ETNPPL: variants seen among roughly 807,000 people sequenced by gnomAD.
The protein encoded by ETNPPL is ethanolamine-phosphate phospho-lyase, also known as alanine--glyoxylate aminotransferase 2-like 1.
In ETNPPL, 30 loss-of-function variants were observed where a neutral mutation model predicts 55.5. The observed-to-expected ratio is 0.54, with a 90% CI of 0.40 to 0.73. The LOEUF is 0.73. Ranked by LOEUF, ETNPPL falls within the 30% of genes least tolerant of loss-of-function variation. The probability of loss-of-function intolerance (pLI) is 0.00; values close to 1 mark genes in which losing one functional copy is unlikely to be tolerated. For missense variants in ETNPPL, 528 were observed against 607.9 expected, an observed-to-expected ratio of 0.87 and a Z score of 1.38; for synonymous variants, 202 against 207.2, an observed-to-expected ratio of 0.98 and a Z score of 0.21.
intron 11 of ETNPPL, among the ~76,000 whole-genome samples, chr4:108,745,712 C>A (rs1728447811): frequency 2.6e-5 from 4 of 152,056 alleles, no homozygotes; most frequent in Admixed American, 2.6e-4. Context: ...GGGTGGATCA[C>A]CTGAGGTCAG....
At chr4:108,744,037 C>A (rs1282328074) in intron 11 of ETNPPL, among the ~76,000 whole-genome samples, 181 bp from the exon 12 acceptor site, 1 of 152,174 alleles carries the variant, frequency 6.6e-6, no homozygotes, top group Non-Finnish European at 1.5e-5. Flanking sequence ...CCGAAGAGGG[C>A]GGATCACAAG....
At chr4:108,757,393 G>C (rs1392507302) in intron 3 of ETNPPL, among the ~76,000 whole-genome samples, 2 of 152,188 alleles carry the variant, frequency 1.3e-5, no homozygotes, top group Non-Finnish European at 2.9e-5. Flanking sequence ...CAGCCTCAGA[G>C]AGGTAAAGTA....
intron 11 of ETNPPL, 109 bp from the exon 12 acceptor site, chr4:108,743,965 A>G (rs1728341207): frequency 2.7e-6 from 2 of 740,656 alleles, no homozygotes; most frequent in Non-Finnish European, 4.7e-6. Context: ...AGGAAATGTT[A>G]TGTGTTAAAA....
chr4:108,749,556 A>T, intron 7 of ETNPPL, 93 bp from the exon 8 acceptor site: 1 of 931,868 alleles, frequency 1.1e-6, no homozygotes, highest in African/African-American at 1.7e-5. Context: ...AAAAAAAAAA[A>T]GTTGTTAACC....
intron 3 of ETNPPL, among the ~76,000 whole-genome samples, chr4:108,757,075 TGAGGACAC>T (rs1729244265): frequency 6.6e-6 from 1 of 152,122 alleles, no homozygotes; most frequent in Admixed American, 6.5e-5. Context: ...ACATAGTGAC[TGAGGACAC>T]GAAGAAGCCT....
At chr4:108,761,936 T>C (rs1729526580) in intron 1 of ETNPPL, among the ~76,000 whole-genome samples, 1 of 152,232 alleles carries the variant, frequency 6.6e-6, no homozygotes, top group Non-Finnish European at 1.5e-5. Context: ...CTGGCCCGGC[T>C]GCAGTCGTTC....
At chr4:108,759,514 C>T (rs1013552846) in intron 3 of ETNPPL, among the ~76,000 whole-genome samples, 4 of 151,278 alleles carry the variant, frequency 2.6e-5, no homozygotes, top group African/African-American at 9.7e-5. Flanking sequence ...CCTTCAGCTA[C>T]TTATTGCACT....
At position 108,746,750 on chromosome 4, in the gene ETNPPL, G is replaced by A. The variant is rs199504801; in HGVS notation, c.1172+12C>T. The A allele has an allele frequency of 5.0e-6, 8 of 1,611,342 alleles. No individual in the cohort carries two copies. The highest frequency in any genetic ancestry group is 1.7e-4 in the Middle Eastern group (1 of 6,044). ...CCAAGATACCAAACAGGTGGGTGTG[G>A]GGGTGAATTACTTGTAGATGATGTG... is the stretch of plus-strand genomic sequence containing the variant. On this transcript the variant is annotated intron_variant, in intron 10 of 12. Transcript: ENST00000296486.
chr4:108,753,484 G>A (rs1729010461), intron 5 of ETNPPL, among the ~76,000 whole-genome samples: 1 of 152,138 alleles, frequency 6.6e-6, no homozygotes, highest in African/African-American at 2.4e-5. Context: ...GCTCACGTCT[G>A]TAATCCCAGC....
In ETNPPL at chr4:108,749,456, G is replaced by A; in HGVS notation, c.709C>T (p.His237Tyr). 2 of 1,613,204 alleles carry A rather than the reference G, an allele frequency of 1.2e-6. No homozygotes were observed. Among genetic ancestry groups the A allele is most frequent in the Non-Finnish European group, 1.7e-6 (2 of 1,179,468 alleles). The change falls in exon 8 of 13, where the codon CAC (histidine) becomes TAC (tyrosine). Residue 237 changes from histidine (H) to tyrosine (Y), a missense_variant. Transcript: ENST00000296486. ...GYFQKVAEYV[H>Y]GAGGVFIADE... ...GCTATAAACACACCCCCTGCACCGT[G>A]TACATATCTGAAAAGCAAAGCGGCA...
chr4:108,759,915 T>G lies in ETNPPL; in HGVS notation c.176-7A>C. The G allele has an allele frequency of 6.2e-7, 1 of 1,612,128 alleles. No individual in the cohort carries two copies. Among genetic ancestry groups the G allele is most frequent in the South Asian group, 1.1e-5 (1 of 90,720 alleles). On this transcript the variant is annotated splice_polypyrimidine_tract_variant and splice_region_variant and intron_variant, in intron 2 of 12. Transcript: ENST00000296486. ...CCTGGGTGACAGTGTCCCACTAAAA[T>G]TTATGAAACAAAAGCCCAAGAAATA...
In ETNPPL at chr4:108,747,144, ATATAAT is replaced by A. The variant is rs1331610823; in HGVS notation, c.1083-299_1083-294del. ...TAACATTATATATATATATATATATATATAATATATATATATATATTATATATATAT... is the reference window on the plus strand; with the variant it reads ...TAACATTATATATATATATATATATAATATATATATATATTATATATATAT... On this transcript the variant is annotated intron_variant, in intron 9 of 12. Transcript: ENST00000296486. 9.4e-3 allele frequency among the ~76,000 whole-genome samples: 222 copies of A among 23,652 alleles called. 28 individuals are homozygous for A. Among genetic ancestry groups the A allele is most frequent in the African/African-American group, 0.051 (217 of 4,218 alleles). 15.5% of individuals were successfully genotyped at this position (23,652 alleles called of 152,430 possible).
chr4:108,762,657 C>T (rs957614357), intron 1 of ETNPPL, 186 bp downstream of exon 1: 8 of 731,928 alleles, frequency 1.1e-5, no homozygotes, highest in Non-Finnish European at 2.0e-5. Flanking sequence ...TTCCGGGTTC[C>T]AGGAGCGTTT....
rs1187026628 is a variant in ETNPPL, at chr4:108,752,915, C to G, written c.598G>C (p.Ala200Pro). ...ADEVKKIIED[A>P]HNSGRKIAAF... The stretch of plus-strand genomic sequence containing the variant: ...CAAACCTTCCTTCCACTGTTATGAG[C>G]ATCTTCAATGATTTTCTTCACTTCA... Residue 200 changes from alanine (A) to proline (P), a missense_variant, in exon 6 of 13, where the codon GCT (alanine) becomes CCT (proline). Physicochemically the swap from Ala to Pro is conservative, Grantham distance 27. Coordinates refer to ENST00000296486, the MANE Select transcript of ETNPPL (RefSeq NM_031279.4). The G allele has an allele frequency of 6.2e-7, 1 of 1,600,678 alleles. No homozygotes were observed. The highest frequency in any genetic ancestry group is 1.1e-5 in the South Asian group (1 of 90,520).
chr4:108,745,829 G>A (rs1578375259), intron 11 of ETNPPL, among the ~76,000 whole-genome samples: 1 of 149,318 alleles, frequency 6.7e-6, no homozygotes, highest in South Asian at 2.1e-4. Flanking sequence ...TACCTGGGAG[G>A]CTGAGGCAGG....
chr4:108,743,834 G>C lies in ETNPPL; in HGVS notation c.1326C>G (p.Thr442=). ...ILTVLEEAMG[T]KTESVTSENT... Reference sequence around the variant, plus strand: ...TCTCAGAGGTCACACTTTCGGTTTTGGTTCCCATAGCTTCTTCTAAAACTG... The same window carrying C: ...TCTCAGAGGTCACACTTTCGGTTTTCGTTCCCATAGCTTCTTCTAAAACTG... The change falls in exon 12 of 13, where the codon ACC becomes ACG. Residue 442 remains threonine (T), a synonymous_variant. Transcript: ENST00000296486. 1 of 1,610,066 alleles carries C rather than the reference G, an allele frequency of 6.2e-7. No individual in the cohort carries two copies. The highest frequency in any genetic ancestry group is 1.3e-5 in the African/African-American group (1 of 74,824).
chr4:108,760,849 C>T (rs1371951336), intron 1 of ETNPPL, among the ~76,000 whole-genome samples: 1 of 152,180 alleles, frequency 6.6e-6, no homozygotes, highest in Non-Finnish European at 1.5e-5. Context: ...TGCAAGTAGG[C>T]TGTGTTGTGC....
At chr4:108,762,758 G>T (rs1286435726) in intron 1 of ETNPPL, 85 bp downstream of exon 1, 2 of 1,490,420 alleles carry the variant, frequency 1.3e-6, no homozygotes, top group African/African-American at 1.4e-5. Flanking sequence ...CGCATCGTTT[G>T]TTCCCTAGCC....
At chr4:108,744,934 A>G (rs145331314) in intron 11 of ETNPPL, among the ~76,000 whole-genome samples, 1 of 152,214 alleles carries the variant, frequency 6.6e-6, no homozygotes, top group Non-Finnish European at 1.5e-5. Flanking sequence ...CGTGTTGCCC[A>G]GGCTAGTCTC....
Sources: gnomAD v4.1 joint callset for allele counts (sites outside exome capture counted in the v4.1 genomes callset) on GRCh38, gnomAD v4.1.1 for gene constraint, MANE v1.5 for transcripts, NCBI Gene and HGNC (gene_info 2026-07-23, HGNC 2026-07-21) for gene names.